Variants in DYTN observed in about 807,000 individuals in gnomAD.
DYTN encodes dystrotelin.
DYTN carries 75 observed loss-of-function variants against 69.6 expected under a neutral mutation model. The ratio of observed to expected loss-of-function variants is 1.08; its 90% confidence interval spans 0.89 to 1.31. The LOEUF is 1.31. DYTN is among the 50% of genes most tolerant of loss of function. The pLI, the probability that DYTN is intolerant of heterozygous loss-of-function variation, is 0.00. For missense variants in DYTN, 726 were observed against 688.4 expected (o/e 1.05, Z -0.61); for synonymous variants, 252 against 249.1 (o/e 1.01, Z -0.11).
intron 10 of DYTN, 41 bp downstream of exon 10, chr2:206,665,829 T>G (rs1230275334): frequency 4.4e-6 from 7 of 1,602,224 alleles, no homozygotes; most frequent in African/African-American, 1.3e-5. Context: ...AGGTTAGACT[T>G]CCAGGCAGTC....
rs569423152 is a variant in DYTN at position 206,665,912 on chromosome 2, A to G, written c.1098T>C (p.Asp366=). Residue 366 remains aspartate (D), a synonymous_variant, in exon 10 of 12, where the codon GAT becomes GAC. Transcript: ENST00000452335. ...TRIHKLKTNQ[D]SLWTKLQQIR... is the part of the protein sequence containing the mutation. ...TCTGTTGTAGCTTGGTCCATAGACT[A>G]TCCTGGTTGGTTTTGAGTTTGTGAA... 44 of 1,613,932 alleles carry G rather than the reference A, an allele frequency of 2.7e-5. No individual in the cohort carries two copies. The South Asian group carries it at 4.2e-4, about 15-fold the overall frequency.
At chr2:206,666,491 A>G (rs1445108058) in intron 9 of DYTN, among the ~76,000 whole-genome samples, 1 of 152,168 alleles carries the variant, frequency 6.6e-6, no homozygotes, top group Non-Finnish European at 1.5e-5. Context: ...TACTTTTGAC[A>G]GCTTCCCTCT....
At chr2:206,656,974 C>T (rs1026195570) in intron 11 of DYTN, among the ~76,000 whole-genome samples, 3 of 152,094 alleles carry the variant, frequency 2.0e-5, no homozygotes, top group Non-Finnish European at 4.4e-5. Context: ...GTTGGTCAGG[C>T]TGGTCTTGAA....
At chr2:206,713,507 C>T (rs1157228574) in intron 1 of DYTN, among the ~76,000 whole-genome samples, 1 of 152,110 alleles carries the variant, frequency 6.6e-6, no homozygotes. Context: ...TGAAAGGAAG[C>T]ATAAAAGGAG....
At chr2:206,702,665 T>C (rs1699986829) in intron 5 of DYTN, among the ~76,000 whole-genome samples, 1 of 152,208 alleles carries the variant, frequency 6.6e-6, no homozygotes, top group Admixed American at 6.5e-5. Flanking sequence ...CCTCCTCTGA[T>C]GTCCTTGAGC....
chr2:206,675,145 G>A (rs200625906), intron 9 of DYTN, among the ~76,000 whole-genome samples: 86 of 120,422 alleles, frequency 7.1e-4, no homozygotes, highest in African/African-American at 1.8e-3. Flanking sequence ...GTGTGTGTGT[G>A]TATATATGTG....
rs369817254 is a variant in DYTN at position 206,691,319 on chromosome 2, G to A, written c.980+1856C>T. 3.9e-4 allele frequency among the ~76,000 whole-genome samples: 59 copies of A among 152,038 alleles called. No individual in the cohort carries two copies. The East Asian group carries it at 5.2e-3, about 13-fold the overall frequency. On this transcript the variant is annotated intron_variant, in intron 9 of 11. Coordinates refer to ENST00000452335, the MANE Select transcript of DYTN (RefSeq NM_001093730.1). The stretch of plus-strand genomic sequence containing the variant: ...TCCCAGCTGCTCAGGAGGCTGAGGC[G>A]GGAGAATTGCTTGAACCTAGAAGGC...
chr2:206,704,705 G>A (rs1700007840), intron 5 of DYTN, 138 bp downstream of exon 5: 1 of 688,766 alleles, frequency 1.5e-6, no homozygotes, highest in East Asian at 2.7e-5. Flanking sequence ...TCAAGTAACA[G>A]CAATGGCTAT....
intron 9 of DYTN, among the ~76,000 whole-genome samples, chr2:206,691,959 G>A (rs1473526805): frequency 1.3e-5 from 2 of 152,114 alleles, no homozygotes; most frequent in Non-Finnish European, 2.9e-5. Context: ...CAAAATGGAA[G>A]TGAATAAATA....
intron 9 of DYTN, among the ~76,000 whole-genome samples, chr2:206,677,463 A>G (rs1699703289): frequency 6.6e-6 from 1 of 152,170 alleles, no homozygotes. Flanking sequence ...TACTACAGGA[A>G]CCATGATAAA....
intron 2 of DYTN, among the ~76,000 whole-genome samples, chr2:206,708,265 T>C (rs1233960180): frequency 6.6e-6 from 1 of 152,234 alleles, no homozygotes. Context: ...CCATAGCTTC[T>C]TGCAGAGAGA....
intron 11 of DYTN, 24 bp downstream of exon 11, chr2:206,662,879 G>A: frequency 1.3e-6 from 2 of 1,598,082 alleles, no homozygotes; most frequent in East Asian, 2.2e-5. Context: ...CCATCACGAT[G>A]TCTATGGATT....
intron 9 of DYTN, among the ~76,000 whole-genome samples, chr2:206,686,047 G>T (rs114341999): frequency 4.0e-5 from 6 of 151,730 alleles, no homozygotes; most frequent in African/African-American, 1.5e-4. Context: ...TCCTTGGAGG[G>T]TATCTACAAA....
At chr2:206,664,446 C>T (rs985812939) in intron 10 of DYTN, among the ~76,000 whole-genome samples, 2 of 152,032 alleles carry the variant, frequency 1.3e-5, no homozygotes, top group African/African-American at 4.8e-5. Flanking sequence ...TGCTTGAGGC[C>T]AGGAGTTCAA....
At chr2:206,652,221 C>T (rs1398784701) in intron 11 of DYTN, among the ~76,000 whole-genome samples, 1 of 152,142 alleles carries the variant, frequency 6.6e-6, no homozygotes, top group African/African-American at 2.4e-5. Flanking sequence ...TAAAAATCAC[C>T]TGGAGATTGT....
intron 9 of DYTN, among the ~76,000 whole-genome samples, chr2:206,675,200 T>G (rs1699672258): frequency 6.8e-6 from 1 of 146,776 alleles, no homozygotes; most frequent in Non-Finnish European, 1.5e-5. Flanking sequence ...AATATATATG[T>G]ATTTTTGTAT....
intron 1 of DYTN, among the ~76,000 whole-genome samples, chr2:206,714,340 T>C (rs529017646): frequency 2.4e-4 from 36 of 152,310 alleles, no homozygotes; most frequent in African/African-American, 5.3e-4. Flanking sequence ...GTAGCTGGGA[T>C]TACAGGCGCA....
chr2:206,691,338 A>G (rs6705182), intron 9 of DYTN, among the ~76,000 whole-genome samples: 18,664 of 151,982 alleles, frequency 0.12, 2,423 homozygotes, highest in African/African-American at 0.33. Context: ...GCTTGAACCT[A>G]GAAGGCAGAG....
At chr2:206,681,089 A>G (rs148256326) in intron 9 of DYTN, among the ~76,000 whole-genome samples, 218 of 152,214 alleles carry the variant, frequency 1.4e-3, no homozygotes, top group African/African-American at 4.8e-3. Context: ...GGTCCTTCAC[A>G]TCCCTTGTTA....
Sources: gnomAD v4.1 joint callset for allele counts (sites outside exome capture counted in the v4.1 genomes callset) on GRCh38, gnomAD v4.1.1 for gene constraint, MANE v1.5 for transcripts, NCBI Gene and HGNC (gene_info 2026-07-23, HGNC 2026-07-21) for gene names.